Variants in ELF4 observed in about 807,000 individuals in gnomAD.
ELF4 encodes the protein ETS-related transcription factor Elf-4.
In ELF4, 10 loss-of-function variants were observed where a neutral mutation model predicts 31.7. That is an observed-to-expected ratio of 0.32 (90% CI 0.19 to 0.54). The LOEUF (loss-of-function observed/expected upper bound fraction) is 0.54, where lower values mean the gene tolerates loss of function less well. Among genes scored for constraint, ELF4 ranks in the 20% least tolerant of loss-of-function variants. ELF4 has a pLI of 0.95. For synonymous variants in ELF4, 208 were observed against 226.7 expected, an observed-to-expected ratio of 0.92 and a Z score of 0.74; for missense variants, 418 against 522.0, an observed-to-expected ratio of 0.80 and a Z score of 1.94.
chrX:130,070,216 A>G (rs995624110), intron 7 of ELF4, among the ~76,000 whole-genome samples: 1 of 111,377 alleles, frequency 9.0e-6, no homozygotes, highest in African/African-American at 3.3e-5. Context: ...TGGGCAGATT[A>G]CTTGAGGCCA....
intron 3 of ELF4, 115 bp from the exon 4 acceptor site, chrX:130,074,256 G>C: frequency 8.5e-6 from 7 of 821,132 alleles, no homozygotes; most frequent in Non-Finnish European, 1.3e-5. Context: ...AGCATCCTTC[G>C]GGCTGACCCT....
intron 1 of ELF4, among the ~76,000 whole-genome samples, chrX:130,104,984 C>A (rs1933350532): frequency 1.0e-5 from 1 of 98,950 alleles, no homozygotes; most frequent in African/African-American, 3.9e-5. Flanking sequence ...CATGGTGAAA[C>A]CCCGTCTTTA....
rs1932885799 is a variant in ELF4 at position 130,081,270 on chromosome X, C to T, written c.61G>A (p.Asp21Asn). The T allele has an allele frequency of 8.3e-7, 1 of 1,210,558 alleles. No homozygotes were observed. Among genetic ancestry groups the T allele is most frequent in the African/African-American group, 1.7e-5 (1 of 57,454 alleles). ...TGGGGCCATACCTGGTGGATATCAT[C>T]ATCCATCCCGTTGCTTGCGAACTCA... is the stretch of plus-strand genomic sequence containing the variant. ...IFEFASNGMD[D>N]DIHQLEDPSV... The change falls in exon 2 of 9, where the codon GAT becomes AAT. Residue 21 changes from aspartate to asparagine, a missense_variant. Physicochemically the swap from Asp to Asn is conservative, Grantham distance 23. Transcript: ENST00000308167.
intron 2 of ELF4, among the ~76,000 whole-genome samples, chrX:130,077,454 G>A (rs181927240): frequency 1.8e-5 from 2 of 111,411 alleles, no homozygotes; most frequent in East Asian, 2.8e-4. Context: ...GGCCACCGCC[G>A]CTGGCTAATT....
chrX:130,074,290 A>G, intron 3 of ELF4, 149 bp from the exon 4 acceptor site: 4 of 676,404 alleles, frequency 5.9e-6, no homozygotes, highest in Non-Finnish European at 9.3e-6. Context: ...AGTGAGGGAG[A>G]AACAGGGGAC....
intron 4 of ELF4, 72 bp downstream of exon 4, chrX:130,073,977 A>G (rs1260845982): frequency 3.2e-5 from 35 of 1,097,645 alleles, no homozygotes; most frequent in Non-Finnish European, 4.3e-5. Flanking sequence ...TGAGAAACCA[A>G]TACATGGATT....
intron 7 of ELF4, among the ~76,000 whole-genome samples, chrX:130,070,812 AAAG>A (rs1932780661): frequency 9.6e-6 from 1 of 103,934 alleles, no homozygotes; most frequent in African/African-American, 3.5e-5. Flanking sequence ...AGAAAGAAAG[AAAG>A]AAAAAGGAAA....
chrX:130,107,375 G>A (rs770927544), intron 1 of ELF4, among the ~76,000 whole-genome samples: 15 of 111,900 alleles, frequency 1.3e-4, no homozygotes, highest in Admixed American at 7.6e-4. Flanking sequence ...GAGGGTGGGA[G>A]GTGCATCTAG....
chrX:130,102,351 G>A (rs866602342), intron 1 of ELF4, among the ~76,000 whole-genome samples: 2 of 111,966 alleles, frequency 1.8e-5, no homozygotes, highest in Non-Finnish European at 3.8e-5. Context: ...TGATTATAAA[G>A]CTACAGTAAT....
At position 130,067,310 on chromosome X, in the gene ELF4, CTG is replaced by C; in HGVS notation, c.1401_1402del (p.Ser468PhefsTer67). The stretch of plus-strand genomic sequence containing the variant: ...GGCTGCCACCTGGCTGTCTTGGAAA[CTG>C]GCGTTCAGGGGGAAAGAGGCCTGCA... On this transcript the variant is annotated frameshift_variant, in exon 9 of 9. Transcript: ENST00000308167. LOFTEE classifies it high-confidence loss of function. The C allele has an allele frequency of 8.2e-7, 1 of 1,212,242 alleles. No individual in the cohort carries two copies. Among genetic ancestry groups the C allele is most frequent in the Non-Finnish European group, 1.1e-6 (1 of 895,576 alleles).
chrX:130,101,703 G>T (rs1489777452), intron 1 of ELF4, among the ~76,000 whole-genome samples: 2 of 110,724 alleles, frequency 1.8e-5, no homozygotes, highest in South Asian at 7.6e-4. Flanking sequence ...GGAGGCTGAG[G>T]CAGGAGAATC....
At chrX:130,093,984 CA>C (rs781399465) in intron 1 of ELF4, among the ~76,000 whole-genome samples, 107 of 111,994 alleles carry the variant, frequency 9.6e-4, no homozygotes, top group African/African-American at 3.2e-3. Flanking sequence ...GTAATCCCAA[CA>C]CTTTGGGAGG....
intron 7 of ELF4, 90 bp downstream of exon 7, chrX:130,070,950 T>A: frequency 2.7e-6 from 3 of 1,122,482 alleles, no homozygotes; most frequent in Non-Finnish European, 3.7e-6. Flanking sequence ...ATCAATCAGG[T>A]CTCCATGAAA....
At chrX:130,071,925 C>T (rs937663517) in intron 5 of ELF4, among the ~76,000 whole-genome samples, 12 of 112,525 alleles carry the variant, frequency 1.1e-4, no homozygotes, top group East Asian at 2.8e-4. Flanking sequence ...CCCAGAGGTC[C>T]GGGGACTGGC....
At chrX:130,110,680 C>T (rs1311802577), upstream of ELF4, 1 of 107,886 alleles carries the variant, frequency 9.3e-6, no homozygotes, top group Non-Finnish European at 1.9e-5. Context: ...ACACTTCGCG[C>T]CGCCAATGGC....
At chrX:130,091,875 C>T (rs146724974) in intron 1 of ELF4, among the ~76,000 whole-genome samples, 253 of 111,657 alleles carry the variant, frequency 2.3e-3, no homozygotes, top group African/African-American at 8.1e-3. Flanking sequence ...TTACCATCTC[C>T]CACAGTTCTT....
chrX:130,072,929 C>G (rs182224256), intron 4 of ELF4, among the ~76,000 whole-genome samples: 20 of 111,105 alleles, frequency 1.8e-4, no homozygotes, highest in Admixed American at 3.8e-4. Context: ...AGCTTTATGG[C>G]TTGCCTTCCC....
intron 1 of ELF4, among the ~76,000 whole-genome samples, chrX:130,093,941 G>A (rs1158113060): frequency 8.9e-6 from 1 of 112,450 alleles, no homozygotes; most frequent in Non-Finnish European, 1.9e-5. Flanking sequence ...CTCCTGTCAT[G>A]AGAGCAGGGG....
At chrX:130,093,261 C>T (rs1002990449) in intron 1 of ELF4, among the ~76,000 whole-genome samples, 2 of 105,696 alleles carry the variant, frequency 1.9e-5, no homozygotes, top group South Asian at 4.3e-4. Flanking sequence ...GCCAAGATCG[C>T]GCCATTGCAC....
Sources: allele counts gnomAD v4.1 joint callset (sites outside exome capture counted in the v4.1 genomes callset), GRCh38; gene constraint gnomAD v4.1.1; transcripts MANE v1.5; gene names NCBI Gene and HGNC (gene_info 2026-07-23, HGNC 2026-07-21).